The following CDK19 variants were observed in gnomAD, a reference collection of about 807,000 sequenced individuals.
CDK19 encodes the protein cyclin-dependent kinase 19.
CDK19 carries 20 observed loss-of-function variants against 68.3 expected under a neutral mutation model. The observed-to-expected ratio is 0.29, with a 90% CI of 0.21 to 0.43. The LOEUF (loss-of-function observed/expected upper bound fraction) is 0.43. CDK19 is among the 20% of genes least tolerant of loss of function. The pLI, the probability that CDK19 is intolerant of heterozygous loss-of-function variation, is 1.00. For missense variants in CDK19, 339 were observed against 623.5 expected (o/e 0.54, Z 4.86); for synonymous variants, 221 against 222.8 (o/e 0.99, Z 0.07).
chr6:110,814,731 C>T (rs935913756), intron 1 of CDK19: 18 of 619,014 alleles, frequency 2.9e-5, no homozygotes, highest in African/African-American at 5.5e-5. Flanking sequence ...CAACTCGAGT[C>T]CCCCCGCCGT....
At chr6:110,638,507 T>C (rs887471307) in intron 5 of CDK19, 142 bp downstream of exon 5, 15 of 597,024 alleles carry the variant, frequency 2.5e-5, no homozygotes, top group Non-Finnish European at 3.0e-6. Flanking sequence ...AGACTATCTA[T>C]CTACATTTTC....
In CDK19 at chr6:110,614,633, C is replaced by T. The variant is rs764256188; in HGVS notation, c.1411G>A (p.Val471Ile). 73 of 1,613,678 alleles carry T rather than the reference C, an allele frequency of 4.5e-5. No homozygotes were observed. The highest frequency in any genetic ancestry group is 1.6e-4 in the Middle Eastern group (1 of 6,084). Residue 471 changes from valine to isoleucine, a missense_variant, in exon 13 of 13, where the codon GTT (valine) becomes ATT (isoleucine). Val to Ile is a conservative substitution (Grantham distance 29). This residue lies in a region of CDK19 where 155 missense variants were observed against 222.7 expected (regional missense o/e 0.70). Transcript: ENST00000368911. Reference protein sequence around the residue: ...SSSRLNYQSSVQGSSQSQSTL... With the variant: ...SSSRLNYQSSIQGSSQSQSTL... Reference sequence around the variant, plus strand: ...CTCTGGGACTGAGAGGATCCCTGAACGCTGCTTTGGTAATTCAGGCGAGAA... The same window carrying T: ...CTCTGGGACTGAGAGGATCCCTGAATGCTGCTTTGGTAATTCAGGCGAGAA...
intron 2 of CDK19, among the ~76,000 whole-genome samples, chr6:110,745,828 T>C (rs1319646340): frequency 1.3e-5 from 2 of 151,974 alleles, no homozygotes; most frequent in African/African-American, 4.8e-5. Context: ...ATTAGCCAGG[T>C]GTGGTGGCAC....
At chr6:110,735,287 AAC>A (rs1222156479) in intron 2 of CDK19, among the ~76,000 whole-genome samples, 1 of 152,084 alleles carries the variant, frequency 6.6e-6, no homozygotes, top group African/African-American at 2.4e-5. Context: ...AATATGCCTG[AAC>A]ACAAAGTTTA....
intron 2 of CDK19, among the ~76,000 whole-genome samples, chr6:110,727,723 A>G (rs1776417398): frequency 6.6e-6 from 1 of 152,116 alleles, no homozygotes; most frequent in Non-Finnish European, 1.5e-5. Context: ...CTGTAATCCC[A>G]GCACTTTGGA....
chr6:110,760,484 T>C (rs538819352), intron 1 of CDK19, among the ~76,000 whole-genome samples: 37 of 150,970 alleles, frequency 2.5e-4, no homozygotes, highest in African/African-American at 8.7e-4. Context: ...ATTCAAAACT[T>C]TGGGAGGCTG....
intron 8 of CDK19, among the ~76,000 whole-genome samples, chr6:110,624,754 T>C (rs1033244195): frequency 1.3e-5 from 2 of 152,232 alleles, no homozygotes; most frequent in Non-Finnish European, 2.9e-5. Context: ...TGTTTCATAA[T>C]AGCTGTGGCA....
chr6:110,694,061 A>T (rs56125024), intron 2 of CDK19, among the ~76,000 whole-genome samples: 2,803 of 149,678 alleles, frequency 0.019, 92 homozygotes, highest in African/African-American at 0.066. Context: ...GGCCTACAAA[A>T]CAATAACACA....
At chr6:110,619,230 T>C (rs557670425) in intron 12 of CDK19, among the ~76,000 whole-genome samples, 6 of 152,264 alleles carry the variant, frequency 3.9e-5, no homozygotes, top group Admixed American at 3.9e-4. Context: ...AATATGGACA[T>C]AGAAAAGCAT....
At chr6:110,809,014 G>A (rs1237891234) in intron 1 of CDK19, among the ~76,000 whole-genome samples, 1 of 151,034 alleles carries the variant, frequency 6.6e-6, no homozygotes, top group Non-Finnish European at 1.5e-5. Context: ...AGACCATCCT[G>A]GCTAACACGG....
chr6:110,671,549 T>C (rs1771013291), intron 2 of CDK19, among the ~76,000 whole-genome samples: 1 of 152,228 alleles, frequency 6.6e-6, no homozygotes, highest in Admixed American at 6.5e-5. Flanking sequence ...AATTTTATGA[T>C]GCACACAGAA....
Position 110,691,453 on chromosome 6 carries a change from G to A in CDK19, c.205-20912C>T, listed in dbSNP as rs139596598. ...CATGCCATTGCACCCCAGCCTGGGC[G>A]ACAGTGCAAGACTCCGTCTCAAAAA... On this transcript the variant is annotated intron_variant, in intron 2 of 12. Coordinates refer to ENST00000368911, the MANE Select transcript of CDK19 (RefSeq NM_015076.5). Among the ~76,000 whole-genome samples the A allele has an allele frequency of 1.1e-3, 162 of 150,700 alleles. 1 individual carries two copies. The highest frequency in any genetic ancestry group is 3.8e-3 in the African/African-American group (156 of 41,106).
intron 2 of CDK19, among the ~76,000 whole-genome samples, chr6:110,674,333 A>C (rs1400661545): frequency 6.6e-6 from 1 of 152,192 alleles, no homozygotes; most frequent in Non-Finnish European, 1.5e-5. Flanking sequence ...CAACTGTTCA[A>C]GTGAAAGGAA....
At chr6:110,641,745 GA>G (rs1780203169) in intron 4 of CDK19, among the ~76,000 whole-genome samples, 1 of 152,002 alleles carries the variant, frequency 6.6e-6, no homozygotes, top group African/African-American at 2.4e-5. Context: ...AAATTGCATG[GA>G]ATGAATGATT....
chr6:110,654,507 G>A (rs901589782), intron 4 of CDK19, among the ~76,000 whole-genome samples: 1 of 152,156 alleles, frequency 6.6e-6, no homozygotes, highest in Admixed American at 6.5e-5. Flanking sequence ...CTGAGAACTA[G>A]GTACATACTG....
intron 1 of CDK19, among the ~76,000 whole-genome samples, chr6:110,758,480 C>T (rs1433478079): frequency 1.3e-5 from 2 of 152,172 alleles, no homozygotes; most frequent in Admixed American, 6.5e-5. Context: ...ACCCCATCCC[C>T]AAATGAGGAA....
chr6:110,698,963 A>T (rs1416304837), intron 2 of CDK19, among the ~76,000 whole-genome samples: 3 of 149,486 alleles, frequency 2.0e-5, no homozygotes, highest in Non-Finnish European at 4.4e-5. Context: ...TTGAGGTGGG[A>T]GGATTGCTTG....
intron 1 of CDK19, among the ~76,000 whole-genome samples, chr6:110,805,393 TACC>T (rs1379193642): frequency 2.0e-5 from 3 of 152,212 alleles, no homozygotes; most frequent in East Asian, 1.9e-4. Flanking sequence ...TCTAATAGTT[TACC>T]ACCAAGAAAA....
chr6:110,774,305 T>C (rs955314236), intron 1 of CDK19, among the ~76,000 whole-genome samples: 5 of 152,162 alleles, frequency 3.3e-5, no homozygotes, highest in Non-Finnish European at 1.5e-5. Flanking sequence ...TCCCCCCTTA[T>C]CCATGGGGAA....
Sources: gnomAD v4.1 joint callset for allele counts (sites outside exome capture counted in the v4.1 genomes callset) on GRCh38, gnomAD v4.1.1 for gene constraint, gnomAD v4.1.1 regional missense constraint, MANE v1.5 for transcripts, NCBI Gene and HGNC (gene_info 2026-07-23, HGNC 2026-07-21) for gene names.